PTPRM: variants seen among roughly 807,000 people sequenced by gnomAD.
PTPRM encodes protein tyrosine phosphatase receptor type M, also known as receptor-type tyrosine-protein phosphatase mu.
A neutral mutation model predicts 186.7 loss-of-function variants in PTPRM; 47 were observed. The ratio of observed to expected loss-of-function variants is 0.25; its 90% CI spans 0.20 to 0.32. PTPRM has a LOEUF of 0.32. Ranked by LOEUF, PTPRM falls within the 10% of genes least tolerant of loss-of-function variation. PTPRM has a pLI of 1.00. For missense variants in PTPRM, 1,494 were observed against 1,865.0 expected, an observed-to-expected ratio of 0.80 and a Z score of 3.66; for synonymous variants, 668 against 674.9, an observed-to-expected ratio of 0.99 and a Z score of 0.16.
At chr18:7,660,991 G>T (rs989835655) in intron 1 of PTPRM, among the ~76,000 whole-genome samples, 4 of 151,506 alleles carry the variant, frequency 2.6e-5, no homozygotes, top group Non-Finnish European at 4.4e-5. Context: ...GAAAAAAAAA[G>T]CAAAGAAAAG....
intron 13 of PTPRM, among the ~76,000 whole-genome samples, chr18:8,128,232 A>G (rs1311094700): frequency 6.6e-6 from 1 of 152,206 alleles, no homozygotes; most frequent in African/African-American, 2.4e-5. Context: ...ACCATTTTCC[A>G]ACTAACTAGG....
chr18:8,087,337 G>C (rs147348209), intron 10 of PTPRM, among the ~76,000 whole-genome samples: 1 of 151,884 alleles, frequency 6.6e-6, no homozygotes, highest in Non-Finnish European at 1.5e-5. Flanking sequence ...CAACATGGCC[G>C]TATTAGTCCG....
intron 14 of PTPRM, among the ~76,000 whole-genome samples, chr18:8,220,626 A>C (rs1013207340): frequency 2.6e-5 from 4 of 152,180 alleles, no homozygotes; most frequent in Non-Finnish European, 5.9e-5. Context: ...AGAGTTAGGA[A>C]AGCTGTAGTT....
intron 14 of PTPRM, among the ~76,000 whole-genome samples, chr18:8,214,906 G>T (rs2094058743): frequency 6.6e-6 from 1 of 152,136 alleles, no homozygotes; most frequent in South Asian, 2.1e-4. Context: ...CAAGTGATCT[G>T]CCCCCTTGGC....
chr18:7,672,145 C>T (rs1044846726), intron 1 of PTPRM, among the ~76,000 whole-genome samples: 3 of 152,054 alleles, frequency 2.0e-5, no homozygotes, highest in African/African-American at 4.8e-5. Flanking sequence ...AAATGGGTGG[C>T]GTGTTTTTTC....
intron 2 of PTPRM, among the ~76,000 whole-genome samples, chr18:7,812,925 G>A (rs937484649): frequency 2.6e-5 from 4 of 152,128 alleles, no homozygotes; most frequent in African/African-American, 7.2e-5. Flanking sequence ...AGGTTGAACC[G>A]AAGCACAGAA....
intron 2 of PTPRM, among the ~76,000 whole-genome samples, chr18:7,847,806 G>A (rs560736157): frequency 1.8e-4 from 28 of 152,296 alleles, no homozygotes; most frequent in African/African-American, 6.7e-4. Context: ...ACCAAGGGTG[G>A]AGAATTCTCC....
intron 31 of PTPRM, among the ~76,000 whole-genome samples, chr18:8,387,913 G>A (rs2095788282): frequency 6.7e-6 from 1 of 150,216 alleles, no homozygotes; most frequent in South Asian, 2.1e-4. Context: ...AGCCTTACCT[G>A]CACATTGAGA....
At chr18:8,187,350 A>G (rs2093656047) in intron 14 of PTPRM, among the ~76,000 whole-genome samples, 1 of 152,050 alleles carries the variant, frequency 6.6e-6, no homozygotes. Context: ...GGTGGGAGGG[A>G]ATATGGTGCA....
Position 8,370,886 on chromosome 18 carries a change from A to C in PTPRM, c.3055-4A>C, listed in dbSNP as rs533122431. ...ACCCATAATTTCTTTTATGTTTTCT[A>C]AAGGTCAAATGCTGCAAATACTGGC... On this transcript the variant is annotated splice_polypyrimidine_tract_variant and splice_region_variant and intron_variant, in intron 23 of 32. Coordinates refer to ENST00000580170, the MANE Select transcript of PTPRM (RefSeq NM_001105244.2). The C allele has an allele frequency of 6.4e-7, 1 of 1,554,188 alleles. No individual in the cohort carries two copies. Among genetic ancestry groups the C allele is most frequent in the South Asian group, 1.2e-5 (1 of 84,458 alleles).
intron 1 of PTPRM, among the ~76,000 whole-genome samples, chr18:7,689,654 A>G (rs1332912366): frequency 6.6e-6 from 1 of 152,194 alleles, no homozygotes; most frequent in Admixed American, 6.5e-5. Flanking sequence ...AGCAGGATGA[A>G]TGGGAACTTG....
chr18:8,129,837 A>G (rs555895987), intron 13 of PTPRM, among the ~76,000 whole-genome samples: 48 of 152,088 alleles, frequency 3.2e-4, no homozygotes, highest in South Asian at 1.2e-3. Flanking sequence ...CCCCTTTTTG[A>G]AGAAAGGATT....
chr18:8,072,719 GA>G (rs932430181), intron 8 of PTPRM, among the ~76,000 whole-genome samples: 1 of 151,860 alleles, frequency 6.6e-6, no homozygotes, highest in Non-Finnish European at 1.5e-5. Context: ...AATTGTGTGG[GA>G]AAAAATTTAC....
intron 14 of PTPRM, among the ~76,000 whole-genome samples, chr18:8,220,032 A>G (rs1232260177): frequency 6.6e-6 from 1 of 152,122 alleles, no homozygotes. Context: ...AACTCAGGAA[A>G]ATTTTTAAGA....
At chr18:8,279,602 G>A (rs537753341) in intron 19 of PTPRM, among the ~76,000 whole-genome samples, 5 of 152,336 alleles carry the variant, frequency 3.3e-5, no homozygotes, top group South Asian at 2.1e-4. Context: ...TCACAGGTCC[G>A]TAGTCGTGAG....
At chr18:8,203,781 G>T (rs1358720575) in intron 14 of PTPRM, among the ~76,000 whole-genome samples, 1 of 152,162 alleles carries the variant, frequency 6.6e-6, no homozygotes, top group Non-Finnish European at 1.5e-5. Flanking sequence ...GTGAAAAATA[G>T]AAGTTGCAAA....
At chr18:8,104,167 T>C (rs1297617118) in intron 11 of PTPRM, among the ~76,000 whole-genome samples, 3 of 152,194 alleles carry the variant, frequency 2.0e-5, no homozygotes, top group Non-Finnish European at 2.9e-5. Flanking sequence ...GTAAGATAAA[T>C]GGCACTGACA....
At chr18:8,174,494 T>G (rs2093452525) in intron 14 of PTPRM, among the ~76,000 whole-genome samples, 1 of 152,166 alleles carries the variant, frequency 6.6e-6, no homozygotes, top group Non-Finnish European at 1.5e-5. Flanking sequence ...GTAAGAATTG[T>G]AATATATTAT....
intron 23 of PTPRM, among the ~76,000 whole-genome samples, chr18:8,366,113 T>C (rs2095627695): frequency 1.3e-5 from 2 of 152,344 alleles, no homozygotes; most frequent in East Asian, 1.9e-4. Context: ...GTGATTCTAA[T>C]GTGCAGGCAA....
Sources: allele counts gnomAD v4.1 joint callset (sites outside exome capture counted in the v4.1 genomes callset), GRCh38; gene constraint gnomAD v4.1.1; transcripts MANE v1.5; gene names NCBI Gene and HGNC (gene_info 2026-07-23, HGNC 2026-07-21).